BTG4: variants seen among roughly 807,000 people sequenced by gnomAD.
BTG4 encodes the protein protein BTG4.
In BTG4, 10 loss-of-function variants were observed where a neutral mutation model predicts 19.3. The ratio of observed to expected loss-of-function variants is 0.52; its 90% CI spans 0.32 to 0.88. The LOEUF is 0.88. Among genes scored for constraint, BTG4 ranks in the 40% least tolerant of loss-of-function variants. BTG4 has a pLI of 0.04. For missense variants in BTG4, 238 were observed against 281.9 expected (o/e 0.84, Z 1.11); for synonymous variants, 91 against 95.7 (o/e 0.95, Z 0.29).
At chr11:111,512,420 T>A (rs937416012), upstream of BTG4, 9 of 141,336 alleles carry the variant, frequency 6.4e-5, no homozygotes, top group African/African-American at 2.3e-4. Flanking sequence ...CCGCCCCGTC[T>A]CGCGCCCGCC....
the BTG4 span, among the ~76,000 whole-genome samples, chr11:111,384,169 G>A: frequency 6.6e-5 from 10 of 152,062 alleles, no homozygotes; most frequent in South Asian, 1.2e-3. Context: ...TGAAAGTAAC[G>A]GCAGTTTTAT....
chr11:111,500,895 C>T (rs1866034451), intron 1 of BTG4, among the ~76,000 whole-genome samples: 1 of 152,010 alleles, frequency 6.6e-6, no homozygotes, highest in South Asian at 2.1e-4. Context: ...CTTTCCATTC[C>T]TGCACAATAC....
At chr11:111,441,202 C>T in the BTG4 span, among the ~76,000 whole-genome samples, 2 of 150,902 alleles carry the variant, frequency 1.3e-5, no homozygotes, top group African/African-American at 4.9e-5. Flanking sequence ...CAATAATAAA[C>T]ACCCATGTAC....
chr11:111,437,288 A>T, the BTG4 span, among the ~76,000 whole-genome samples: 1 of 151,954 alleles, frequency 6.6e-6, no homozygotes, highest in African/African-American at 2.4e-5. Context: ...GAGTGTATTG[A>T]TCTGTGGAAT....
the BTG4 span, chr11:111,454,290 C>T: frequency 2.2e-6 from 1 of 456,372 alleles, no homozygotes; most frequent in South Asian, 1.6e-5. Context: ...GACACAGAGG[C>T]CTTCTTTGGA....
rs367792106 is a variant in BTG4, at chr11:111,484,282, A to G, written c.662+10881T>C. Among the ~76,000 whole-genome samples, 184 of 152,298 alleles carry G rather than the reference A, an allele frequency of 1.2e-3. 4 individuals carry two copies. In the South Asian group the frequency reaches 0.037, roughly 31 times the overall value. On this transcript the variant is annotated intron_variant, in intron 5 of 5. Transcript: ENST00000356018. Reference sequence around the variant, plus strand: ...AAAGAAGTAATTTGAAGATATAAAAATTACTCGTAAAAGTACACAGAAAAA... The same window carrying G: ...AAAGAAGTAATTTGAAGATATAAAAGTTACTCGTAAAAGTACACAGAAAAA...
At chr11:111,387,879 C>CA in the BTG4 span, among the ~76,000 whole-genome samples, 5 of 149,764 alleles carry the variant, frequency 3.3e-5, no homozygotes, top group South Asian at 8.5e-4. Context: ...GCACAGAGAC[C>CA]TTTTTTTTTT....
the BTG4 span, among the ~76,000 whole-genome samples, chr11:111,391,325 C>T: frequency 1.3e-5 from 2 of 152,298 alleles, no homozygotes; most frequent in South Asian, 4.2e-4. Flanking sequence ...CACCCATTTT[C>T]TGTCGCTCCA....
the BTG4 span, among the ~76,000 whole-genome samples, chr11:111,386,759 G>A: frequency 4.6e-3 from 700 of 152,300 alleles, 2 homozygotes; most frequent in African/African-American, 0.016. Flanking sequence ...GGTAAAAAGG[G>A]TAATCCACAG....
chr11:111,448,529 C>T, the BTG4 span: 2 of 152,986 alleles, frequency 1.3e-5, no homozygotes, highest in African/African-American at 4.8e-5. Context: ...ACAATGCCTC[C>T]TTCTGCCACC....
At chr11:111,487,675 C>T (rs751123482) in intron 5 of BTG4, among the ~76,000 whole-genome samples, 15 of 152,086 alleles carry the variant, frequency 9.9e-5, no homozygotes, top group Non-Finnish European at 2.1e-4. Flanking sequence ...AATTATCATT[C>T]CTTGCAGACG....
downstream of BTG4, chr11:111,466,803 G>A (rs561219219): frequency 6.5e-6 from 1 of 152,728 alleles, no homozygotes; most frequent in South Asian, 2.1e-4. Flanking sequence ...GTTGATAACT[G>A]TGCAACCCAC....
chr11:111,489,571 G>GTA (rs1441371793), intron 5 of BTG4, among the ~76,000 whole-genome samples: 1 of 151,926 alleles, frequency 6.6e-6, no homozygotes. Context: ...AGAAAATGTG[G>GTA]TACATATACA....
the BTG4 span, among the ~76,000 whole-genome samples, chr11:111,422,311 T>A: frequency 6.6e-6 from 1 of 151,782 alleles, no homozygotes; most frequent in South Asian, 2.1e-4. Context: ...AAGGGCAGAG[T>A]GGTTCTGAAA....
the BTG4 span, among the ~76,000 whole-genome samples, chr11:111,403,876 C>A: frequency 6.6e-6 from 1 of 152,094 alleles, no homozygotes; most frequent in African/African-American, 2.4e-5. Context: ...GAACTAATAA[C>A]AAAAATATCA....
At chr11:111,390,718 G>C in the BTG4 span, among the ~76,000 whole-genome samples, 1 of 152,214 alleles carries the variant, frequency 6.6e-6, no homozygotes, top group African/African-American at 2.4e-5. Context: ...GGTTTTTTAA[G>C]AGTCCAACAG....
chr11:111,451,538 G>T, the BTG4 span: 1 of 352,890 alleles, frequency 2.8e-6, no homozygotes, highest in South Asian at 2.1e-5. Flanking sequence ...GGCCAAGGAG[G>T]GCAGATCACC....
chr11:111,463,788 G>A (rs1238765042), downstream of BTG4, among the ~76,000 whole-genome samples: 1 of 152,196 alleles, frequency 6.6e-6, no homozygotes, highest in East Asian at 1.9e-4. Flanking sequence ...CTCAAGGTGT[G>A]GGCCAGGACT....
chr11:111,496,771 T>A, intron 4 of BTG4: 1 of 174,584 alleles, frequency 5.7e-6, no homozygotes, highest in East Asian at 1.5e-4. Flanking sequence ...TTTGAATGGG[T>A]TATGGTTTAA....
Sources: allele counts gnomAD v4.1 joint callset (sites outside exome capture counted in the v4.1 genomes callset), GRCh38; gene constraint gnomAD v4.1.1; transcripts MANE v1.5; gene names NCBI Gene and HGNC (gene_info 2026-07-23, HGNC 2026-07-21).